The following CFHR2 variants were observed in gnomAD, a reference collection of about 807,000 sequenced individuals.
CFHR2 encodes the protein complement factor H-related protein 2.
In CFHR2, 22 loss-of-function variants were observed where a neutral mutation model predicts 21.7. The ratio of observed to expected loss-of-function variants is 1.01; its 90% confidence interval spans 0.72 to 1.45. The LOEUF is 1.45. Among genes scored for constraint, CFHR2 ranks in the 40% most tolerant of loss-of-function variants. The probability of loss-of-function intolerance (pLI) is 0.00; values close to 1 mark genes in which losing one functional copy is unlikely to be tolerated. For missense variants in CFHR2, 294 were observed against 293.3 expected (o/e 1.00, Z -0.02); for synonymous variants, 98 against 97.4 (o/e 1.01, Z -0.04).
chr1:196,948,365 T>A (rs1307651386), intron 1 of CFHR2, among the ~76,000 whole-genome samples: 1 of 152,242 alleles, frequency 6.6e-6, no homozygotes, highest in East Asian at 1.9e-4. Context: ...AACATACCCC[T>A]CCTGGGTTCA....
chr1:196,944,404 A>G (rs931080922), intron 1 of CFHR2, among the ~76,000 whole-genome samples: 3 of 152,046 alleles, frequency 2.0e-5, no homozygotes, highest in Non-Finnish European at 4.4e-5. Context: ...ATCCTTCAAC[A>G]GAGGGAAATA....
chr1:196,948,394 G>A (rs1659597786), intron 1 of CFHR2, among the ~76,000 whole-genome samples: 2 of 152,110 alleles, frequency 1.3e-5, no homozygotes, highest in Admixed American at 1.3e-4. Context: ...TTCTGCCTCA[G>A]CCTCCCAAGT....
intron 4 of CFHR2, 133 bp downstream of exon 4, chr1:196,958,206 A>G (rs1316888835): frequency 2.8e-6 from 2 of 725,238 alleles, no homozygotes; most frequent in African/African-American, 1.8e-5. Flanking sequence ...AAATGTCTAT[A>G]TGATAGAATG....
chr1:196,944,610 G>A (rs1304465370), intron 1 of CFHR2, among the ~76,000 whole-genome samples: 2 of 151,798 alleles, frequency 1.3e-5, no homozygotes, highest in Non-Finnish European at 2.9e-5. Flanking sequence ...CCATATCAAA[G>A]GAATTGCAAA....
chr1:196,956,438 A>T (rs1039326576), intron 3 of CFHR2, among the ~76,000 whole-genome samples: 1 of 152,032 alleles, frequency 6.6e-6, no homozygotes, highest in Non-Finnish European at 1.5e-5. Flanking sequence ...GTGTTCAGTC[A>T]TTTTTTTGTT....
Position 196,959,216 on chromosome 1 carries a change from T to A in CFHR2, c.*136T>A. 1.5e-6 allele frequency: 1 copy of A among 678,054 alleles called. No homozygotes were observed. Among genetic ancestry groups the A allele is most frequent in the Non-Finnish European group, 2.4e-6 (1 of 412,334 alleles). 42.0% of individuals were successfully genotyped at this position (678,054 alleles called of 1,614,324 possible). A position where few individuals can be genotyped will look rare whatever the true frequency, so the allele number is the denominator to read the frequency against. ...AAAGTTTTGTGTTGATTTGTGAAAA[T>A]GCAATTACAATCTGAGATGTGTCAC... is the stretch of plus-strand genomic sequence containing the variant. On this transcript the variant is annotated 3_prime_UTR_variant, in exon 5 of 5. Coordinates refer to ENST00000367415, the MANE Select transcript of CFHR2 (RefSeq NM_005666.4).
intron 3 of CFHR2, among the ~76,000 whole-genome samples, chr1:196,955,493 T>A (rs910368689): frequency 6.6e-6 from 1 of 152,188 alleles, no homozygotes; most frequent in African/African-American, 2.4e-5. Context: ...TGTACCAATC[T>A]ACTGTATTAG....
intron 4 of CFHR2, 61 bp from the exon 5 acceptor site, chr1:196,958,820 C>A (rs1018873526): frequency 6.8e-5 from 74 of 1,090,732 alleles, no homozygotes; most frequent in Non-Finnish European, 1.0e-4. Flanking sequence ...ACTTGAAAAC[C>A]TGAGTCTATG....
intron 3 of CFHR2, among the ~76,000 whole-genome samples, chr1:196,955,605 T>G (rs1402728326): frequency 6.6e-6 from 1 of 152,068 alleles, no homozygotes; most frequent in Non-Finnish European, 1.5e-5. Context: ...TCCTAGCACT[T>G]TGGGAGACAG....
chr1:196,946,050 G>A (rs1005411781), intron 1 of CFHR2, among the ~76,000 whole-genome samples: 1 of 151,948 alleles, frequency 6.6e-6, no homozygotes, highest in Non-Finnish European at 1.5e-5. Context: ...TCTCAATATA[G>A]CAAAGTACAA....
At chr1:196,958,753 A>C in intron 4 of CFHR2, 128 bp from the exon 5 acceptor site, 2 of 616,214 alleles carry the variant, frequency 3.2e-6, no homozygotes, top group Admixed American at 3.4e-5. Flanking sequence ...TTGTTTTTAC[A>C]GCATTAGTTT....
chr1:196,954,580 C>A (rs564106070), intron 3 of CFHR2, among the ~76,000 whole-genome samples: 2 of 152,294 alleles, frequency 1.3e-5, no homozygotes, highest in South Asian at 4.2e-4. Flanking sequence ...AGAGGTTCTC[C>A]ATGAACCTGC....
intron 3 of CFHR2, among the ~76,000 whole-genome samples, chr1:196,952,205 G>A (rs542984828): frequency 3.9e-4 from 60 of 152,294 alleles, no homozygotes; most frequent in Non-Finnish European, 8.1e-4. Flanking sequence ...GAGCCCAGGT[G>A]TTCAAGGCTG....
Position 196,959,291 on chromosome 1 carries a change from C to CTT in CFHR2, c.*219_*220dup. On this transcript the variant is annotated 3_prime_UTR_variant, in exon 5 of 5. Coordinates refer to ENST00000367415, the MANE Select transcript of CFHR2 (RefSeq NM_005666.4). Reference sequence around the variant, plus strand: ...ATCTAAGTAACAACCTAGGAATTGTCTTTTTTTTTCTTTTTAAAAAAATTG... The same window carrying CTT: ...ATCTAAGTAACAACCTAGGAATTGTCTTTTTTTTTTTCTTTTTAAAAAAATTG... 2.3e-6 allele frequency: 1 copy of CTT among 437,764 alleles called. No individual in the cohort carries two copies. The highest frequency in any genetic ancestry group is 4.0e-6 in the Non-Finnish European group (1 of 247,530). 27.1% of individuals were successfully genotyped at this position (437,764 alleles called of 1,614,324 possible).
At position 196,945,245 on chromosome 1, in the gene CFHR2, G is replaced by A. The variant is rs1294156030; in HGVS notation, c.58+1307G>A. Among the ~76,000 whole-genome samples, 4 of 149,762 alleles carry A rather than the reference G, an allele frequency of 2.7e-5. No individual in the cohort carries two copies. The East Asian group carries it at 5.9e-4, about 22-fold the overall frequency. ...TAATCACAGGAGTGCGATTGTATGA[G>A]TGTATTTGATTTTTCTTAAGTCTGT... On this transcript the variant is annotated intron_variant, in intron 1 of 4. Coordinates refer to ENST00000367415, the MANE Select transcript of CFHR2 (RefSeq NM_005666.4).
At chr1:196,952,624 C>A (rs929934972) in intron 3 of CFHR2, among the ~76,000 whole-genome samples, 1 of 152,168 alleles carries the variant, frequency 6.6e-6, no homozygotes, top group Non-Finnish European at 1.5e-5. Context: ...TACAAGCTGG[C>A]TCTTGTGTAC....
intron 1 of CFHR2, among the ~76,000 whole-genome samples, chr1:196,946,730 C>T (rs963091937): frequency 1.3e-5 from 2 of 152,162 alleles, no homozygotes; most frequent in Non-Finnish European, 2.9e-5. Flanking sequence ...AAGGTTTCTT[C>T]TGGAATAGTT....
intron 1 of CFHR2, among the ~76,000 whole-genome samples, chr1:196,948,402 A>G (rs552739238): frequency 3.9e-5 from 6 of 152,016 alleles, no homozygotes; most frequent in African/African-American, 1.4e-4. Flanking sequence ...CAGCCTCCCA[A>G]GTAGCTGGGA....
intron 3 of CFHR2, 48 bp from the exon 4 acceptor site, chr1:196,957,843 C>T (rs3748555): frequency 6.4e-7 from 1 of 1,555,998 alleles, no homozygotes; most frequent in Non-Finnish European, 8.8e-7. Flanking sequence ...CTTATTTGAA[C>T]TTGTATTTTT....
Sources: gnomAD v4.1 joint callset for allele counts (sites outside exome capture counted in the v4.1 genomes callset) on GRCh38, gnomAD v4.1.1 for gene constraint, MANE v1.5 for transcripts, NCBI Gene and HGNC (gene_info 2026-07-23, HGNC 2026-07-21) for gene names.